Variants in RARA observed in about 807,000 individuals in gnomAD.
RARA encodes the protein PML-DDX5-RARA fusion.
RARA carries 5 observed loss-of-function variants against 42.8 expected under a neutral mutation model. The observed-to-expected ratio is 0.12, with a 90% confidence interval of 0.06 to 0.25. The LOEUF is 0.25. RARA is among the 10% of genes least tolerant of loss of function. The pLI, the probability that RARA is intolerant of heterozygous loss-of-function variation, is 1.00. For missense variants in RARA, 402 were observed against 628.7 expected (o/e 0.64, Z 3.86); for synonymous variants, 256 against 259.5 (o/e 0.99, Z 0.13).
rs761597488 is a variant in RARA, at chr17:40,355,991, C to T, written c.1172-18C>T. 9.5e-6 allele frequency: 15 copies of T among 1,583,492 alleles called. No homozygotes were observed. Among genetic ancestry groups the T allele is most frequent in the Middle Eastern group, 4.0e-4 (2 of 5,022 alleles). On this transcript the variant is annotated intron_variant, in intron 8 of 8. Coordinates refer to ENST00000254066, the MANE Select transcript of RARA (RefSeq NM_000964.4). This position sits in a 1 kb window ranked among gnomAD's most constrained non-coding sequence, Gnocchi z 4.1. ...GGCTGGCCCAGCGTGCTGACCTCTG[C>T]CCCCTCCTTTCCTGCAGGGGCTGAG...
At chr17:40,318,224 C>T (rs1033097092) in intron 1 of RARA, 2 of 152,262 alleles carry the variant, frequency 1.3e-5, no homozygotes, top group African/African-American at 4.8e-5. Context: ...CCTACCTCTG[C>T]TCCGTACCCT....
At position 40,317,986 on chromosome 17, in the gene RARA, C is replaced by T. The variant is rs559956731; in HGVS notation, c.-363+8700C>T. ...CACCGAGCGCTATTTTCATTCTTTC[C>T]GCAGAACCTCACCCCGTTCTTGCTC... On this transcript the variant is annotated intron_variant, in intron 1 of 8. Transcript: ENST00000254066. Among the ~76,000 whole-genome samples the T allele has an allele frequency of 3.1e-4, 47 of 152,280 alleles. 1 individual carries two copies. The South Asian group carries it at 9.3e-3, about 30-fold the overall frequency.
At chr17:40,337,948 C>T (rs2033904066) in intron 2 of RARA, among the ~76,000 whole-genome samples, 2 of 152,212 alleles carry the variant, frequency 1.3e-5, no homozygotes, top group African/African-American at 4.8e-5. Context: ...GGAGGGAGTG[C>T]TGCCTAGCAA....
At chr17:40,333,480 G>A (rs1218629206) in intron 2 of RARA, among the ~76,000 whole-genome samples, 2 of 152,044 alleles carry the variant, frequency 1.3e-5, no homozygotes, top group African/African-American at 4.8e-5. Flanking sequence ...TTACAGGTGC[G>A]TGTCACCACA....
chr17:40,344,922 C>T (rs1032154199), intron 2 of RARA, among the ~76,000 whole-genome samples: 58 of 152,142 alleles, frequency 3.8e-4, no homozygotes, highest in African/African-American at 1.3e-3. Flanking sequence ...TGTGGAAGTC[C>T]GCTGGTGACT....
chr17:40,322,729 G>A (rs1165489233), intron 1 of RARA, among the ~76,000 whole-genome samples: 1 of 152,012 alleles, frequency 6.6e-6, no homozygotes, highest in Non-Finnish European at 1.5e-5. Flanking sequence ...GGAAAAGAGG[G>A]GGGTTAAGGG....
intron 2 of RARA, among the ~76,000 whole-genome samples, chr17:40,339,229 G>A (rs781281344): frequency 2.0e-5 from 3 of 152,136 alleles, no homozygotes; most frequent in Non-Finnish European, 4.4e-5. Flanking sequence ...TGTCCACCTG[G>A]CACTGGGCCT....
At chr17:40,311,822 G>T (rs2033101682) in intron 1 of RARA, among the ~76,000 whole-genome samples, 1 of 152,144 alleles carries the variant, frequency 6.6e-6, no homozygotes, top group Admixed American at 6.5e-5. Flanking sequence ...GGACAGGGGT[G>T]GGGGCACAGT....
intron 2 of RARA, chr17:40,342,628 G>A (rs2034107473): frequency 9.1e-6 from 14 of 1,540,012 alleles, no homozygotes; most frequent in Non-Finnish European, 1.2e-5. Flanking sequence ...TGCTCTGCTC[G>A]GATGGCGCCG....
chr17:40,352,397 A>G lies in RARA; in HGVS notation c.697A>G (p.Thr233Ala). Reference protein sequence around the residue: ...DLWDKFSELSTKCIIKTVEFA... With the variant: ...DLWDKFSELSAKCIIKTVEFA... ...CTGGGACAAGTTCAGTGAACTCTCCACCAAGTGCATCATTAAGACTGTGGA... is the reference window on the plus strand; with the variant it reads ...CTGGGACAAGTTCAGTGAACTCTCCGCCAAGTGCATCATTAAGACTGTGGA... Residue 233 changes from threonine (T) to alanine (A), a missense_variant, in exon 6 of 9, where the codon ACC (threonine) becomes GCC (alanine). Thr to Ala is a moderately conservative substitution (Grantham distance 58, BLOSUM62 0). Around this residue, in one of 5 missense-constraint regions of RARA, gnomAD observed 130 missense variants for 267.9 expected, o/e 0.49. Transcript: ENST00000254066. This position sits in a 1 kb window ranked among gnomAD's most constrained non-coding sequence, Gnocchi z 4.9. 6.2e-6 allele frequency: 10 copies of G among 1,613,806 alleles called. No individual in the cohort carries two copies. The highest frequency in any genetic ancestry group is 8.5e-6 in the Non-Finnish European group (10 of 1,179,852).
chr17:40,339,007 G>C (rs1465690471), intron 2 of RARA, among the ~76,000 whole-genome samples: 1 of 152,168 alleles, frequency 6.6e-6, no homozygotes, highest in East Asian at 1.9e-4. Context: ...GACAGAACGA[G>C]ACTCTGTCTC....
Position 40,355,494 on chromosome 17 carries a change from C to T in RARA, c.1171+73C>T. On this transcript the variant is annotated intron_variant, in intron 8 of 8. Coordinates refer to ENST00000254066, the MANE Select transcript of RARA (RefSeq NM_000964.4). This position sits in a 1 kb window ranked among gnomAD's most constrained non-coding sequence, Gnocchi z 4.1. ...AGGCCCCCACATCCAAGCCAGCACC[C>T]CATGTCTTTGTGCCAGGACAATACG... is the stretch of plus-strand genomic sequence containing the variant. 6.6e-7 allele frequency: 1 copy of T among 1,520,108 alleles called. No individual in the cohort carries two copies. The highest frequency in any genetic ancestry group is 8.9e-7 in the Non-Finnish European group (1 of 1,125,822). 94.2% of individuals were successfully genotyped at this position (1,520,108 alleles called of 1,614,324 possible). A position where few individuals can be genotyped will look rare whatever the true frequency, so the allele number is the denominator to read the frequency against.
intron 2 of RARA, among the ~76,000 whole-genome samples, chr17:40,332,283 G>A (rs571916853): frequency 9.9e-5 from 15 of 152,134 alleles, no homozygotes; most frequent in Non-Finnish European, 2.2e-4. Flanking sequence ...GCCTGGGACG[G>A]GAGAGGGTGG....
chr17:40,314,687 A>G (rs1049266160), intron 1 of RARA, among the ~76,000 whole-genome samples: 1 of 151,790 alleles, frequency 6.6e-6, no homozygotes, highest in Non-Finnish European at 1.5e-5. Flanking sequence ...CCTGTCTGCA[A>G]TCCTTGGGCT....
At position 40,313,027 on chromosome 17, in the gene RARA, A is replaced by G. The variant is rs186958922; in HGVS notation, c.-363+3741A>G. Among the ~76,000 whole-genome samples the G allele has an allele frequency of 2.6e-4, 39 of 152,234 alleles. No homozygotes were observed. The East Asian group carries it at 6.2e-3, about 24-fold the overall frequency. ...CTGAAAATCCCAGCTTGGTTTGTTT[A>G]TAAGTCTCCATGTGGAAAGAGTCTG... On this transcript the variant is annotated intron_variant, in intron 1 of 8. Transcript: ENST00000254066.
chr17:40,322,486 A>T (rs1356742930), intron 1 of RARA, among the ~76,000 whole-genome samples: 3 of 152,048 alleles, frequency 2.0e-5, no homozygotes, highest in Non-Finnish European at 4.4e-5. Context: ...TGTACCCCGC[A>T]GGCAGTGTCA....
At chr17:40,328,653 A>G (rs943910185) in intron 1 of RARA, among the ~76,000 whole-genome samples, 2 of 152,306 alleles carry the variant, frequency 1.3e-5, no homozygotes, top group African/African-American at 2.4e-5. Flanking sequence ...AAATGTGCCT[A>G]TCCTGGATAT....
chr17:40,354,158 A>G lies in RARA; in HGVS notation c.808-144A>G, dbSNP rs2034538129. 4.1e-6 allele frequency: 3 copies of G among 739,976 alleles called. No individual in the cohort carries two copies. The East Asian group carries it at 8.1e-5, about 20-fold the overall frequency. 45.8% of individuals were successfully genotyped at this position (739,976 alleles called of 1,614,324 possible). On this transcript the variant is annotated intron_variant, in intron 6 of 8. Coordinates refer to ENST00000254066, the MANE Select transcript of RARA (RefSeq NM_000964.4). The surrounding 1 kb of genome is among the most constrained non-coding windows in gnomAD (Gnocchi z 4.5). ...GATGGTGCAGACGTAGAACCTTTCC[A>G]TCATTGTAGAAAATTCTATCAGACA...
chr17:40,321,066 G>T (rs950335924), intron 1 of RARA, among the ~76,000 whole-genome samples: 21 of 152,014 alleles, frequency 1.4e-4, no homozygotes, highest in Non-Finnish European at 2.9e-4. Flanking sequence ...CCACCCTCTG[G>T]CTGCTGTCTG....
Sources: allele counts gnomAD v4.1 joint callset (sites outside exome capture counted in the v4.1 genomes callset), GRCh38; gene constraint gnomAD v4.1.1; regional missense constraint gnomAD v4.1.1; non-coding constraint Gnocchi (gnomAD v3.1); transcripts MANE v1.5; gene names NCBI Gene and HGNC (gene_info 2026-07-23, HGNC 2026-07-21).